Variants in PEMT observed in about 807,000 individuals in gnomAD.
PEMT encodes the protein phosphatidylethanolamine N-methyltransferase, also known as phospholipid methyltransferase.
Under a neutral mutation model 27.4 loss-of-function variants are expected in PEMT, and 23 were observed. That is an observed-to-expected ratio of 0.84 (90% CI 0.60 to 1.19). The LOEUF (loss-of-function observed/expected upper bound fraction) is 1.19. Among genes scored for constraint, PEMT ranks in the 50% most tolerant of loss-of-function variants. The pLI is 0.00. For missense variants in PEMT, 307 were observed against 310.1 expected (o/e 0.99, Z 0.07); for synonymous variants, 137 against 139.1 (o/e 0.98, Z 0.11).
chr17:17,576,494 G>A (rs1038582122), intron 2 of PEMT, among the ~76,000 whole-genome samples: 2 of 152,224 alleles, frequency 1.3e-5, no homozygotes, highest in South Asian at 2.1e-4. Flanking sequence ...TGGAACACAC[G>A]AGGGGTGGGA....
chr17:17,514,995 C>T (rs1380495450), intron 3 of PEMT, among the ~76,000 whole-genome samples: 2 of 152,180 alleles, frequency 1.3e-5, no homozygotes, highest in Admixed American at 1.3e-4. Context: ...GGCCTCGGCC[C>T]GGCAGGGTTT....
chr17:17,508,652 G>T lies in PEMT; in HGVS notation c.578+782C>A, dbSNP rs1218664592. On this transcript the variant is annotated intron_variant, in intron 5 of 6. Coordinates refer to ENST00000255389, the MANE Select transcript of PEMT (RefSeq NM_148172.3). ...ATGGCTAAACTAGAACTGCTGGGGT[G>T]GGGGCTGGGTATGAAGCCGAGGGCA... is the stretch of plus-strand genomic sequence containing the variant. 1.4e-5 allele frequency: 5 copies of T among 353,350 alleles called. No individual in the cohort carries two copies. In the East Asian group the frequency reaches 5.8e-4, roughly 41 times the overall value. 21.9% of individuals were successfully genotyped at this position (353,350 alleles called of 1,614,324 possible). A position where few individuals can be genotyped will look rare whatever the true frequency, so the allele number is the denominator to read the frequency against.
chr17:17,562,864 G>A (rs528940047), intron 2 of PEMT, among the ~76,000 whole-genome samples: 2 of 152,200 alleles, frequency 1.3e-5, no homozygotes, highest in South Asian at 4.2e-4. Context: ...TTGCCCAGAG[G>A]AGGCCATTTC....
intron 1 of PEMT, among the ~76,000 whole-genome samples, chr17:17,583,341 A>C (rs1197500632): frequency 6.6e-6 from 1 of 152,234 alleles, no homozygotes; most frequent in African/African-American, 2.4e-5. Flanking sequence ...ACGCCACTGC[A>C]CTCCAGCCTG....
rs1178332957 is a variant in PEMT, at chr17:17,505,717, G to A, written c.*74C>T. 3.5e-5 allele frequency: 52 copies of A among 1,466,168 alleles called. No homozygotes were observed. Among genetic ancestry groups the A allele is most frequent in the Non-Finnish European group, 4.4e-5 (49 of 1,103,790 alleles). The allele number at this position is 1,466,168 out of a possible 1,614,324, so 90.8% of individuals were successfully genotyped here. A position where few individuals can be genotyped will look rare whatever the true frequency, so the allele number is the denominator to read the frequency against. The stretch of plus-strand genomic sequence containing the variant: ...GCCCTGAGCAGCAGGCACCATTCTC[G>A]CCCTGCGCAGGGCCTGCCACTTGGG... On this transcript the variant is annotated 3_prime_UTR_variant, in exon 7 of 7. Coordinates refer to ENST00000255389, the MANE Select transcript of PEMT (RefSeq NM_148172.3).
chr17:17,522,614 C>T (rs549696201), intron 2 of PEMT, among the ~76,000 whole-genome samples: 10 of 152,330 alleles, frequency 6.6e-5, no homozygotes, highest in East Asian at 3.9e-4. Flanking sequence ...TTCATCTGGA[C>T]GGACAACAAG....
At chr17:17,551,614 T>C (rs1324418520) in intron 2 of PEMT, among the ~76,000 whole-genome samples, 4 of 152,116 alleles carry the variant, frequency 2.6e-5, no homozygotes, top group African/African-American at 9.7e-5. Context: ...GAACAGCAGA[T>C]AAGCAGCAGC....
At chr17:17,518,062 C>T (rs929166870) in intron 3 of PEMT, 1 of 985,566 alleles carries the variant, frequency 1.0e-6, no homozygotes. Context: ...CACACCAGAG[C>T]ACACAGGAGC....
intron 2 of PEMT, among the ~76,000 whole-genome samples, chr17:17,541,517 G>A (rs1021454567): frequency 6.6e-6 from 1 of 152,212 alleles, no homozygotes; most frequent in Non-Finnish European, 1.5e-5. Flanking sequence ...CGGACATGGC[G>A]GGCCTCATCC....
chr17:17,544,260 C>A (rs1018537893), intron 2 of PEMT, among the ~76,000 whole-genome samples: 1 of 151,910 alleles, frequency 6.6e-6, no homozygotes, highest in African/African-American at 2.4e-5. Context: ...AGCAGGAAGC[C>A]CAGCTTGTGT....
intron 1 of PEMT, among the ~76,000 whole-genome samples, chr17:17,587,690 T>A (rs1362951364): frequency 6.6e-6 from 1 of 151,976 alleles, no homozygotes. Context: ...ACCCTGTCGC[T>A]ACTAAAAATA....
intron 2 of PEMT, among the ~76,000 whole-genome samples, chr17:17,549,850 AC>A (rs1169589994): frequency 1.3e-5 from 2 of 152,180 alleles, no homozygotes; most frequent in Non-Finnish European, 2.9e-5. Context: ...GACGGGAGGC[AC>A]GTCCTCGTCT....
intron 2 of PEMT, among the ~76,000 whole-genome samples, chr17:17,556,340 G>A (rs7221487): frequency 0.61 from 92,804 of 151,790 alleles, 29,041 homozygotes; most frequent in African/African-American, 0.74. Context: ...CTTCTGCATG[G>A]GAGCCTTCCT....
intron 3 of PEMT, among the ~76,000 whole-genome samples, chr17:17,517,157 C>G (rs1404742880): frequency 6.6e-6 from 1 of 152,188 alleles, no homozygotes; most frequent in Non-Finnish European, 1.5e-5. Flanking sequence ...TGAGCTCACA[C>G]CCAGCAGGCA....
intron 2 of PEMT, among the ~76,000 whole-genome samples, chr17:17,567,252 C>T (rs1267185946): frequency 1.3e-5 from 2 of 152,254 alleles, no homozygotes; most frequent in South Asian, 4.1e-4. Context: ...CCATGTCACT[C>T]CCAGCCATCC....
intron 2 of PEMT, among the ~76,000 whole-genome samples, chr17:17,559,760 G>GA (rs1474075396): frequency 6.6e-6 from 1 of 152,252 alleles, no homozygotes; most frequent in African/African-American, 2.4e-5. Flanking sequence ...TGTGGGGGCA[G>GA]AAAAGGCCCA....
At chr17:17,583,011 G>A (rs905973146) in intron 1 of PEMT, among the ~76,000 whole-genome samples, 4 of 151,370 alleles carry the variant, frequency 2.6e-5, no homozygotes, top group Admixed American at 1.3e-4. Flanking sequence ...GCAGTGAGCC[G>A]AGATCATGCC....
intron 5 of PEMT, chr17:17,507,206 C>T: frequency 6.4e-7 from 1 of 1,554,846 alleles, no homozygotes; most frequent in South Asian, 1.2e-5. Context: ...TGGGCTGCTG[C>T]CAGGGAGGAG....
chr17:17,550,477 T>C (rs1597919946), intron 2 of PEMT, among the ~76,000 whole-genome samples: 1 of 151,778 alleles, frequency 6.6e-6, no homozygotes. Context: ...GGACCCCCCT[T>C]CCCCCCACTC....
Sources: allele counts gnomAD v4.1 joint callset (sites outside exome capture counted in the v4.1 genomes callset), GRCh38; gene constraint gnomAD v4.1.1; transcripts MANE v1.5; gene names NCBI Gene and HGNC (gene_info 2026-07-23, HGNC 2026-07-21).